QDPR: variants seen among roughly 807,000 people sequenced by gnomAD.
The protein encoded by QDPR is quinoid dihydropteridine reductase.
QDPR carries 23 observed loss-of-function variants against 31.7 expected under a neutral mutation model. The observed-to-expected ratio is 0.73, with a 90% CI of 0.52 to 1.03. The LOEUF is 1.03. Among genes scored for constraint, QDPR ranks in the 50% least tolerant of loss-of-function variants. QDPR has a pLI of 0.00. For synonymous variants in QDPR, 124 were observed against 124.7 expected (o/e 0.99, Z 0.03); for missense variants, 324 against 323.8 (o/e 1.00, Z 0.00).
Position 17,509,280 on chromosome 4 carries a change from C to T in QDPR, c.189G>A (p.Gln63=). The change falls in exon 2 of 7, where the codon CAG becomes CAA. Residue 63 remains glutamine (Q), a synonymous_variant. Transcript: ENST00000281243. The stretch of plus-strand genomic sequence containing the variant: ...GCCTTTTTGAAACTACCTGGTCAGC[C>T]TGCTCAGTGAACGAGTCTGTCATTT... ...IVKMTDSFTE[Q]ADQVTAEVGK... is the part of the protein sequence containing the mutation. 6.2e-7 allele frequency: 1 copy of T among 1,614,026 alleles called. No individual in the cohort carries two copies. The highest frequency in any genetic ancestry group is 8.5e-7 in the Non-Finnish European group (1 of 1,179,900).
chr4:17,501,596 A>T (rs892848601), intron 4 of QDPR, 123 bp downstream of exon 4: 37 of 1,168,758 alleles, frequency 3.2e-5, no homozygotes, highest in Non-Finnish European at 4.4e-5. Flanking sequence ...GACAAAATCC[A>T]TCTATCTGTT....
intron 6 of QDPR, 169 bp downstream of exon 6, chr4:17,490,493 G>C (rs1718120623): frequency 1.6e-6 from 1 of 632,976 alleles, no homozygotes; most frequent in Non-Finnish European, 2.9e-6. Flanking sequence ...TCCAAGTCCA[G>C]CTACTCTGAG....
chr4:17,493,393 C>T (rs1718238469), intron 4 of QDPR, among the ~76,000 whole-genome samples: 4 of 152,140 alleles, frequency 2.6e-5, no homozygotes, highest in Admixed American at 2.6e-4. Context: ...GCTATGATCA[C>T]GTCACTGTAC....
rs2108999206 is a variant in QDPR, at chr4:17,512,082, G to A, written c.-28C>T. The A allele has an allele frequency of 6.5e-7, 1 of 1,533,078 alleles. No homozygotes were observed. Among genetic ancestry groups the A allele is most frequent in the East Asian group, 2.7e-5 (1 of 37,650 alleles). The allele number at this position is 1,533,078 out of a possible 1,614,324, so 95.0% of individuals were successfully genotyped here. A position where few individuals can be genotyped will look rare whatever the true frequency, so the allele number is the denominator to read the frequency against. On this transcript the variant is annotated 5_prime_UTR_variant, in exon 1 of 7. Transcript: ENST00000281243. Reference sequence around the variant, plus strand: ...TGCTCCTGCCAGCCCGGCTCCCGCAGCTCCGAATGCCTCGAGCCGGAGCGC... The same window carrying A: ...TGCTCCTGCCAGCCCGGCTCCCGCAACTCCGAATGCCTCGAGCCGGAGCGC...
At chr4:17,511,817 G>T in intron 1 of QDPR, 133 bp downstream of exon 1, 1 of 840,534 alleles carries the variant, frequency 1.2e-6, no homozygotes, top group Non-Finnish European at 1.8e-6. Flanking sequence ...ACCTGTGCGC[G>T]CACGTGCAAG....
In QDPR at chr4:17,504,065, T is replaced by A. The variant is rs530878201; in HGVS notation, c.295+314A>T. ...GTTTGACTTCTTCTGACTTTCTAAATGATCTCTGCACTTCCTACACATCCT... is the reference window on the plus strand; with the variant it reads ...GTTTGACTTCTTCTGACTTTCTAAAAGATCTCTGCACTTCCTACACATCCT... On this transcript the variant is annotated intron_variant, in intron 3 of 6. Transcript: ENST00000281243. Among the ~76,000 whole-genome samples, 10 of 152,292 alleles carry A rather than the reference T, an allele frequency of 6.6e-5. No homozygotes were observed. In the South Asian group the frequency reaches 1.2e-3, roughly 19 times the overall value.
At chr4:17,511,916 G>A (rs781735204) in intron 1 of QDPR, 34 bp downstream of exon 1, 3 of 1,591,078 alleles carry the variant, frequency 1.9e-6, no homozygotes, top group Admixed American at 1.7e-5. Flanking sequence ...GGCCACCCCC[G>A]CGGAGACCCA....
chr4:17,500,901 A>G (rs1718539094), intron 4 of QDPR, among the ~76,000 whole-genome samples: 1 of 152,222 alleles, frequency 6.6e-6, no homozygotes. Flanking sequence ...ACTGAAAAAG[A>G]TAATATTGAT....
At chr4:17,487,845 T>C (rs1305622958) in intron 6 of QDPR, among the ~76,000 whole-genome samples, 2 of 152,182 alleles carry the variant, frequency 1.3e-5, no homozygotes, top group African/African-American at 4.8e-5. Context: ...GATGGACACA[T>C]ACCCAGGCCC....
At chr4:17,488,214 T>C (rs1289527650) in intron 6 of QDPR, among the ~76,000 whole-genome samples, 1 of 151,868 alleles carries the variant, frequency 6.6e-6, no homozygotes, top group South Asian at 2.1e-4. Flanking sequence ...TAAGCCATGA[T>C]CGTGACACTG....
chr4:17,490,775 C>T, intron 5 of QDPR, 30 bp from the exon 6 acceptor site: 1 of 1,574,132 alleles, frequency 6.4e-7, no homozygotes, highest in South Asian at 1.1e-5. Flanking sequence ...GCACGTCATT[C>T]ATGTCGCTCC....
intron 1 of QDPR, 31 bp downstream of exon 1, chr4:17,511,919 G>C: frequency 3.7e-6 from 6 of 1,600,864 alleles, no homozygotes; most frequent in Non-Finnish European, 5.1e-6. Context: ...CACCCCCGCG[G>C]AGACCCAGCA....
intron 3 of QDPR, 97 bp downstream of exon 3, chr4:17,504,281 CA>C: frequency 2.0e-6 from 2 of 1,019,474 alleles, no homozygotes; most frequent in Admixed American, 1.9e-5. Flanking sequence ...GGGATATACA[CA>C]AAAAAACAGC....
At chr4:17,503,499 CA>C (rs572861247) in intron 3 of QDPR, among the ~76,000 whole-genome samples, 151 of 152,114 alleles carry the variant, frequency 9.9e-4, no homozygotes, top group African/African-American at 3.5e-3. Context: ...AAACAGTTAA[CA>C]AAAAACAATG....
intron 6 of QDPR, 140 bp from the exon 7 acceptor site, chr4:17,487,376 GC>G: frequency 1.4e-6 from 1 of 704,346 alleles, no homozygotes; most frequent in Non-Finnish European, 2.5e-6. Context: ...AGGGCTGGGC[GC>G]CATGGCTCAC....
At chr4:17,510,942 G>A (rs1013904197) in intron 1 of QDPR, among the ~76,000 whole-genome samples, 2 of 152,178 alleles carry the variant, frequency 1.3e-5, no homozygotes, top group African/African-American at 2.4e-5. Context: ...ACCAGATTCT[G>A]AGCAACAAGA....
At chr4:17,493,394 G>A (rs925379691) in intron 4 of QDPR, among the ~76,000 whole-genome samples, 2 of 152,048 alleles carry the variant, frequency 1.3e-5, no homozygotes, top group Admixed American at 6.6e-5. Context: ...CTATGATCAC[G>A]TCACTGTACT....
intron 1 of QDPR, among the ~76,000 whole-genome samples, chr4:17,509,694 G>A (rs1432652941): frequency 1.3e-5 from 2 of 152,132 alleles, no homozygotes; most frequent in African/African-American, 4.8e-5. Flanking sequence ...CTAGGCAACA[G>A]AAGGAGGCCT....
chr4:17,509,233 G>A (rs1438635902), intron 2 of QDPR, 38 bp downstream of exon 2: 1 of 1,508,586 alleles, frequency 6.6e-7, no homozygotes, highest in African/African-American at 1.4e-5. Context: ...TCTCCCCAGG[G>A]TTCCCCTCAC....
Sources: allele counts gnomAD v4.1 joint callset (sites outside exome capture counted in the v4.1 genomes callset), GRCh38; gene constraint gnomAD v4.1.1; transcripts MANE v1.5; gene names NCBI Gene and HGNC (gene_info 2026-07-23, HGNC 2026-07-21).